The following PAAF1 variants were observed in gnomAD, a reference collection of about 807,000 sequenced individuals.
The protein encoded by PAAF1 is proteasomal ATPase associated factor 1, also known as proteasomal ATPase-associated factor 1.
A neutral mutation model predicts 52.8 loss-of-function variants in PAAF1; 46 were observed. The ratio of observed to expected loss-of-function variants is 0.87; its 90% CI spans 0.69 to 1.11. The LOEUF is 1.11. PAAF1 is among the 50% of genes most tolerant of loss of function. PAAF1 has a pLI of 0.00. For synonymous variants in PAAF1, 178 were observed against 172.8 expected (o/e 1.03, Z -0.24); for missense variants, 424 against 477.4 (o/e 0.89, Z 1.04).
intron 4 of PAAF1, among the ~76,000 whole-genome samples, chr11:73,897,276 T>TG (rs1949427052): frequency 7.5e-6 from 1 of 133,332 alleles, no homozygotes; most frequent in African/African-American, 2.9e-5. Context: ...GCTGGCCGTG[T>TG]GGGGGGCTGA....
chr11:73,911,019 G>A lies in PAAF1; in HGVS notation c.727+1426G>A, dbSNP rs116313807. The stretch of plus-strand genomic sequence containing the variant: ...AAAAAAAAAAAAAAAAAAGTACAGG[G>A]AGTTCTTATATACCTTTTGCCTTAC... On this transcript the variant is annotated intron_variant, in intron 7 of 11. Transcript: ENST00000310571. 6.1e-3 allele frequency among the ~76,000 whole-genome samples: 911 copies of A among 150,468 alleles called. 15 individuals are homozygous for A. Among genetic ancestry groups the A allele is most frequent in the African/African-American group, 0.021 (859 of 40,798 alleles).
chr11:73,886,242 C>A (rs2135135625), intron 2 of PAAF1, among the ~76,000 whole-genome samples: 1 of 152,312 alleles, frequency 6.6e-6, no homozygotes, highest in Non-Finnish European at 1.5e-5. Flanking sequence ...TACATGTATG[C>A]ATACTGATCT....
Position 73,918,986 on chromosome 11 carries a change from A to C in PAAF1, c.972A>C (p.Pro324=), listed in dbSNP as rs995082980. Residue 324 remains proline, a synonymous_variant, in exon 10 of 12, where the codon CCA becomes CCC. Coordinates refer to ENST00000310571, the MANE Select transcript of PAAF1 (RefSeq NM_025155.3). The part of the protein sequence containing the change: ...PVQVIHRSGA[P]VLSLLSVRDG... ...AAGTCATCCACAGATCAGGAGCACC[A>C]GTTCTATCCCTGCTAAGTGTCAGAG... is the stretch of plus-strand genomic sequence containing the variant. The C allele has an allele frequency of 6.2e-7, 1 of 1,613,898 alleles. No individual in the cohort carries two copies.
chr11:73,878,336 TC>T (rs1948804090), intron 1 of PAAF1, among the ~76,000 whole-genome samples: 1 of 152,184 alleles, frequency 6.6e-6, no homozygotes. Context: ...ATAGACCCTT[TC>T]CATTATACCC....
At chr11:73,902,694 T>C (rs1285570114) in intron 6 of PAAF1, among the ~76,000 whole-genome samples, 1 of 152,144 alleles carries the variant, frequency 6.6e-6, no homozygotes, top group African/African-American at 2.4e-5. Context: ...TGTTATTTAT[T>C]TATTTATTAT....
chr11:73,880,218 A>AT (rs1948854276), intron 2 of PAAF1: 1 of 152,022 alleles, frequency 6.6e-6, no homozygotes, highest in Non-Finnish European at 1.5e-5. Context: ...AGCCGTGATC[A>AT]TGCTGCGTGG....
intron 1 of PAAF1, 197 bp downstream of exon 1, chr11:73,877,265 G>A (rs1014355315): frequency 3.1e-5 from 14 of 450,060 alleles, no homozygotes. Context: ...TAGGCCAAGG[G>A]AGCACATGAG....
chr11:73,878,914 T>G (rs1948819389), intron 2 of PAAF1, 95 bp downstream of exon 2: 2 of 1,171,366 alleles, frequency 1.7e-6, no homozygotes, highest in South Asian at 2.7e-5. Flanking sequence ...CCAGCCTCCT[T>G]ACATAATAGT....
chr11:73,888,994 G>A (rs553293874), intron 3 of PAAF1: 27 of 496,596 alleles, frequency 5.4e-5, no homozygotes, highest in African/African-American at 4.8e-4. Flanking sequence ...CCATTTTGCA[G>A]ATAAGCAAAC....
intron 4 of PAAF1, among the ~76,000 whole-genome samples, chr11:73,893,756 AAAAAAG>A (rs1949267985): frequency 6.7e-6 from 1 of 149,100 alleles, no homozygotes; most frequent in African/African-American, 2.5e-5. Flanking sequence ...AAAAAAAAAA[AAAAAAG>A]AAAGAAAAAA....
chr11:73,905,084 T>C (rs1949721658), intron 6 of PAAF1, among the ~76,000 whole-genome samples: 1 of 152,136 alleles, frequency 6.6e-6, no homozygotes, highest in African/African-American at 2.4e-5. Context: ...TGCCTGTGAA[T>C]AGCAATGGCA....
chr11:73,916,701 A>T lies in PAAF1; in HGVS notation c.935+41A>T, dbSNP rs559577099. On this transcript the variant is annotated intron_variant, in intron 9 of 11. Transcript: ENST00000310571. ...TTTACATGATGCAGGTCTTCTGCAG[A>T]GTGGAAATTTTTATTGGCTTTAACA... 14 of 1,433,720 alleles carry T rather than the reference A, an allele frequency of 9.8e-6. 1 individual carries two copies. In the South Asian group the frequency reaches 1.7e-4, roughly 17 times the overall value. 88.8% of individuals were successfully genotyped at this position (1,433,720 alleles called of 1,614,324 possible).
chr11:73,887,297 G>C, intron 2 of PAAF1, 57 bp from the exon 3 acceptor site: 1 of 1,370,134 alleles, frequency 7.3e-7, no homozygotes, highest in Non-Finnish European at 1.0e-6. Context: ...GGTCTTCAAA[G>C]AGAAAAATAA....
At chr11:73,881,834 G>C (rs1248869146) in intron 2 of PAAF1, among the ~76,000 whole-genome samples, 1 of 151,892 alleles carries the variant, frequency 6.6e-6, no homozygotes, top group African/African-American at 2.4e-5. Flanking sequence ...AGCCTCCCAA[G>C]TAGCTAGGAC....
rs1950404665 is a variant in PAAF1, at chr11:73,927,917, T to C, written c.*555T>C. The C allele has an allele frequency of 6.5e-6, 1 of 153,934 alleles. No individual in the cohort carries two copies. The highest frequency in any genetic ancestry group is 2.0e-4 in the South Asian group (1 of 4,934). The allele number at this position is 153,934 out of a possible 1,614,324, so 9.5% of individuals were successfully genotyped here. A position where few individuals can be genotyped will look rare whatever the true frequency, so the allele number is the denominator to read the frequency against. On this transcript the variant is annotated 3_prime_UTR_variant, in exon 12 of 12. Coordinates refer to ENST00000310571, the MANE Select transcript of PAAF1 (RefSeq NM_025155.3). ...TGCAGGTGGTAACCAACTGTCCCAG[T>C]TTGCTTGGAACTAAGGGGTTTTCTG...
Position 73,916,586 on chromosome 11 carries a change from T to G in PAAF1, c.861T>G (p.Thr287=). ...GCTCAGACGCTTTCAACTGCTGTAC[T>G]TTTCTCTCTGGCTTCTTGCTATTGG... The part of the protein sequence containing the change: ...FIGSDAFNCC[T]FLSGFLLLAG... The change falls in exon 9 of 12, where the codon ACT becomes ACG. Residue 287 remains threonine (T), a synonymous_variant. Transcript: ENST00000310571. The G allele has an allele frequency of 6.2e-7, 1 of 1,614,044 alleles. No individual in the cohort carries two copies. The highest frequency in any genetic ancestry group is 8.5e-7 in the Non-Finnish European group (1 of 1,179,946).
rs1950109988 is a variant in PAAF1 at position 73,917,933 on chromosome 11, T to C, written c.936-1017T>C. ...GGCACCTGGAGTCTAATGGTAAAGA[T>C]GGACAAGTAAAAGACTGTTGTGCAG... On this transcript the variant is annotated intron_variant, in intron 9 of 11. Transcript: ENST00000310571. 2.6e-5 allele frequency among the ~76,000 whole-genome samples: 4 copies of C among 151,468 alleles called. 1 individual carries two copies. In the South Asian group the frequency reaches 8.4e-4, roughly 32 times the overall value.
chr11:73,914,622 G>A (rs987215011), intron 8 of PAAF1, 118 bp downstream of exon 8: 21 of 724,760 alleles, frequency 2.9e-5, no homozygotes, highest in South Asian at 1.3e-4. Context: ...AGAAGGCTGC[G>A]TGAGTAAGAG....
chr11:73,896,923 G>T (rs540570081), intron 4 of PAAF1, among the ~76,000 whole-genome samples: 1 of 148,204 alleles, frequency 6.7e-6, no homozygotes, highest in Non-Finnish European at 1.5e-5. Context: ...GGCCGGACGG[G>T]GGGGCTGACC....
Sources: gnomAD v4.1 joint callset for allele counts (sites outside exome capture counted in the v4.1 genomes callset) on GRCh38, gnomAD v4.1.1 for gene constraint, MANE v1.5 for transcripts, NCBI Gene and HGNC (gene_info 2026-07-23, HGNC 2026-07-21) for gene names.